The following WASF2 variants were observed in gnomAD, a reference collection of about 807,000 sequenced individuals.
WASF2 encodes actin-binding protein WASF2.
WASF2 carries 14 observed loss-of-function variants against 45.0 expected under a neutral mutation model. The observed-to-expected ratio is 0.31, with a 90% CI of 0.21 to 0.49. WASF2 has a LOEUF of 0.49. Ranked by LOEUF, WASF2 falls within the 20% of genes least tolerant of loss-of-function variation. The probability of loss-of-function intolerance (pLI) is 0.99; values close to 1 mark genes in which losing one functional copy is unlikely to be tolerated. For synonymous variants in WASF2, 200 were observed against 236.3 expected (o/e 0.85, Z 1.41); for missense variants, 439 against 636.1 (o/e 0.69, Z 3.33).
At chr1:27,476,269 G>C (rs2148141088) in intron 1 of WASF2, among the ~76,000 whole-genome samples, 1 of 152,288 alleles carries the variant, frequency 6.6e-6, no homozygotes, top group South Asian at 2.1e-4. Flanking sequence ...TATAGGCAAA[G>C]AGGTTTCACT....
chr1:27,422,209 G>A (rs2016917329), intron 2 of WASF2, among the ~76,000 whole-genome samples: 1 of 152,068 alleles, frequency 6.6e-6, no homozygotes, highest in Admixed American at 6.5e-5. Context: ...GTAACAATAA[G>A]ATCTCTGTTT....
intron 1 of WASF2, among the ~76,000 whole-genome samples, chr1:27,444,235 A>G (rs1285222677): frequency 6.6e-6 from 1 of 152,110 alleles, no homozygotes; most frequent in Non-Finnish European, 1.5e-5. Flanking sequence ...GTGCAGCACC[A>G]TGCTCAGCTA....
At chr1:27,409,007 T>C (rs777591084) in intron 8 of WASF2, among the ~76,000 whole-genome samples, 31 of 151,742 alleles carry the variant, frequency 2.0e-4, no homozygotes, top group Non-Finnish European at 3.1e-4. Context: ...TTGTTTTTTT[T>C]CGAAGGCACA....
At chr1:27,479,003 AG>A (rs1356289720) in intron 1 of WASF2, among the ~76,000 whole-genome samples, 5 of 152,032 alleles carry the variant, frequency 3.3e-5, no homozygotes, top group Non-Finnish European at 5.9e-5. Context: ...AATCTTGGTT[AG>A]GGCCGGGTGT....
chr1:27,484,312 G>A (rs927553473), intron 1 of WASF2, among the ~76,000 whole-genome samples: 2 of 152,140 alleles, frequency 1.3e-5, no homozygotes, highest in Admixed American at 1.3e-4. Context: ...GAGGCCCTTG[G>A]CCATTTAAAG....
At chr1:27,476,165 C>T (rs1557621762) in intron 1 of WASF2, among the ~76,000 whole-genome samples, 1 of 152,154 alleles carries the variant, frequency 6.6e-6, no homozygotes, top group South Asian at 2.1e-4. Flanking sequence ...TTTACGAGGC[C>T]TTAGGTAACA....
intron 1 of WASF2, among the ~76,000 whole-genome samples, chr1:27,470,660 T>C (rs1351030782): frequency 1.3e-5 from 2 of 151,298 alleles, no homozygotes; most frequent in African/African-American, 2.4e-5. Context: ...AGTCAGGGGA[T>C]TTGGGGGGCT....
At chr1:27,439,964 G>C (rs2017187595) in intron 1 of WASF2, among the ~76,000 whole-genome samples, 1 of 152,092 alleles carries the variant, frequency 6.6e-6, no homozygotes, top group South Asian at 2.1e-4. Flanking sequence ...CCATGCCACT[G>C]CCCTCCAGCC....
At chr1:27,487,457 ATTTATATAAATATAT>A (rs936131801) in intron 1 of WASF2, among the ~76,000 whole-genome samples, 3 of 118,220 alleles carry the variant, frequency 2.5e-5, no homozygotes, top group South Asian at 2.2e-4. Flanking sequence ...ATAAATATAT[ATTTATATAAATATAT>A]TTTATATAAA....
At chr1:27,424,707 A>G (rs989572813) in intron 2 of WASF2, among the ~76,000 whole-genome samples, 3 of 152,180 alleles carry the variant, frequency 2.0e-5, no homozygotes, top group Admixed American at 6.5e-5. Flanking sequence ...TATTTTGTAG[A>G]GACAGGGTCT....
chr1:27,405,945 G>GTCCATTC lies in WASF2; in HGVS notation c.*2237_*2243dup, dbSNP rs1423649707. 6.6e-6 allele frequency: 1 copy of GTCCATTC among 152,426 alleles called. No homozygotes were observed. The highest frequency in any genetic ancestry group is 1.5e-5 in the Non-Finnish European group (1 of 68,014). 9.4% of individuals were successfully genotyped at this position (152,426 alleles called of 1,614,324 possible). A position where few individuals can be genotyped will look rare whatever the true frequency, so the allele number is the denominator to read the frequency against. ...CCCAGCCCTTTCCACGATGGACTCA[G>GTCCATTC]TCCATTCCAGAAGCCAGGCCAACAC... On this transcript the variant is annotated 3_prime_UTR_variant, in exon 9 of 9. Coordinates refer to ENST00000618852, the MANE Select transcript of WASF2 (RefSeq NM_006990.5).
chr1:27,465,568 C>T (rs1347111602), intron 1 of WASF2, among the ~76,000 whole-genome samples: 1 of 152,118 alleles, frequency 6.6e-6, no homozygotes, highest in African/African-American at 2.4e-5. Context: ...ACCCACAAAA[C>T]CTATCTTCCC....
At position 27,409,879 on chromosome 1, in the gene WASF2, G is replaced by T. The variant is rs1346123488; in HGVS notation, c.1152C>A (p.Ser384=). 2 of 1,571,548 alleles carry T rather than the reference G, an allele frequency of 1.3e-6. No homozygotes were observed. Among genetic ancestry groups the T allele is most frequent in the Admixed American group, 1.7e-5 (1 of 57,802 alleles). ...GAGGAGGTGCTCCTCCTGTTGGCTG[G>T]GACAAGGGAGGTGGTGGCAGAGTTG... ...DYPTLPPPPL[S]QPTGGAPPPP... The change falls in exon 8 of 9, where the codon TCC becomes TCA. Residue 384 remains serine (S), a synonymous_variant. Transcript: ENST00000618852.
At chr1:27,446,805 G>T (rs1167005879) in intron 1 of WASF2, among the ~76,000 whole-genome samples, 1 of 149,706 alleles carries the variant, frequency 6.7e-6, no homozygotes, top group Non-Finnish European at 1.5e-5. Context: ...AAAAGATGAA[G>T]AATGTCTTTG....
intron 6 of WASF2, among the ~76,000 whole-genome samples, chr1:27,413,568 T>C (rs1173575395): frequency 6.6e-6 from 1 of 152,172 alleles, no homozygotes; most frequent in Non-Finnish European, 1.5e-5. Flanking sequence ...CCCCAAGGCC[T>C]GGAGCCCTGG....
Position 27,471,344 on chromosome 1 carries a change from C to CAAAA in WASF2, c.-44+18638_-44+18641dup, listed in dbSNP as rs35393807. 3.2e-3 allele frequency among the ~76,000 whole-genome samples: 170 copies of CAAAA among 53,068 alleles called. 1 individual carries two copies. Among genetic ancestry groups the CAAAA allele is most frequent in the African/African-American group, 9.2e-3 (139 of 15,062 alleles). 34.8% of individuals were successfully genotyped at this position (53,068 alleles called of 152,430 possible). A position where few individuals can be genotyped will look rare whatever the true frequency, so the allele number is the denominator to read the frequency against. On this transcript the variant is annotated intron_variant, in intron 1 of 8. Transcript: ENST00000618852. ...TGGGCGACAGAGCGAGACTCTGTCT[C>CAAAA]AAAAAAAAAAAAAAAAAAAAAGAGT...
intron 1 of WASF2, among the ~76,000 whole-genome samples, chr1:27,441,658 G>C (rs1290277812): frequency 1.3e-5 from 2 of 150,950 alleles, no homozygotes; most frequent in African/African-American, 2.4e-5. Context: ...GGAGGCTGAG[G>C]CAGGAGAATG....
At chr1:27,450,209 T>C (rs1342607894) in intron 1 of WASF2, among the ~76,000 whole-genome samples, 1 of 151,732 alleles carries the variant, frequency 6.6e-6, no homozygotes, top group Non-Finnish European at 1.5e-5. Flanking sequence ...GCCACAACCG[T>C]CTCATTCTTG....
chr1:27,468,320 A>G (rs2017642504), intron 1 of WASF2, among the ~76,000 whole-genome samples: 1 of 152,016 alleles, frequency 6.6e-6, no homozygotes, highest in Non-Finnish European at 1.5e-5. Flanking sequence ...TAACAACAGC[A>G]GCAATAACAA....
Sources: gnomAD v4.1 joint callset for allele counts (sites outside exome capture counted in the v4.1 genomes callset) on GRCh38, gnomAD v4.1.1 for gene constraint, MANE v1.5 for transcripts, NCBI Gene and HGNC (gene_info 2026-07-23, HGNC 2026-07-21) for gene names.